CCKAR: variants seen among roughly 807,000 people sequenced by gnomAD.
The protein encoded by CCKAR is cholecystokinin A receptor.
CCKAR carries 21 observed loss-of-function variants against 29.8 expected under a neutral mutation model. The ratio of observed to expected loss-of-function variants is 0.70; its 90% confidence interval spans 0.50 to 1.01. CCKAR has a LOEUF of 1.01. Among genes scored for constraint, CCKAR ranks in the 50% least tolerant of loss-of-function variants. CCKAR has a pLI of 0.00. For synonymous variants in CCKAR, 238 were observed against 221.3 expected, an observed-to-expected ratio of 1.08 and a Z score of -0.67; for missense variants, 570 against 560.6, an observed-to-expected ratio of 1.02 and a Z score of -0.17.
Position 26,485,609 on chromosome 4 carries a change from T to G in CCKAR, c.626+28A>C, listed in dbSNP as rs199861775. ...TATTGCAAAATTACATCAAGCTGTA[T>G]TTTTAAAAATAAACAATGCAACCTT... On this transcript the variant is annotated intron_variant, in intron 3 of 4. Coordinates refer to ENST00000295589, the MANE Select transcript of CCKAR (RefSeq NM_000730.3). 1.0e-4 allele frequency: 161 copies of G among 1,607,944 alleles called. 1 individual carries two copies. The South Asian group carries it at 1.7e-3, about 17-fold the overall frequency.
chr4:26,483,881 T>C (rs1292135639), intron 3 of CCKAR, among the ~76,000 whole-genome samples: 1 of 152,240 alleles, frequency 6.6e-6, no homozygotes, highest in Admixed American at 6.5e-5. Context: ...AGCATCACGG[T>C]ATACCATTTG....
At chr4:26,485,063 G>A (rs941637018) in intron 3 of CCKAR, among the ~76,000 whole-genome samples, 11 of 151,340 alleles carry the variant, frequency 7.3e-5, no homozygotes, top group South Asian at 4.2e-4. Context: ...GCATGGTGGT[G>A]CATGCCTGTA....
At chr4:26,488,577 C>T (rs549559821) in intron 2 of CCKAR, among the ~76,000 whole-genome samples, 2 of 152,162 alleles carry the variant, frequency 1.3e-5, no homozygotes, top group African/African-American at 4.8e-5. Context: ...TATATCTCAG[C>T]CAATCAGGGT....
rs189049791 is a variant in CCKAR at position 26,485,252 on chromosome 4, C to T, written c.626+385G>A. ...AATCATAGCTCTACAATTAATCAGC[C>T]TAACCCTCCACTACAGCATTTAGAA... On this transcript the variant is annotated intron_variant, in intron 3 of 4. Coordinates refer to ENST00000295589, the MANE Select transcript of CCKAR (RefSeq NM_000730.3). Among the ~76,000 whole-genome samples, 481 of 151,862 alleles carry T rather than the reference C, an allele frequency of 3.2e-3. 3 individuals carry two copies. The highest frequency in any genetic ancestry group is 0.011 in the African/African-American group (453 of 41,434).
chr4:26,486,437 C>T lies in CCKAR; in HGVS notation c.365-539G>A, dbSNP rs182245655. Reference sequence around the variant, plus strand: ...GTGAAACAATCTATATTTCAAAATGCAGCTTGTTGAAAAAATAAGTAGTAA... The same window carrying T: ...GTGAAACAATCTATATTTCAAAATGTAGCTTGTTGAAAAAATAAGTAGTAA... On this transcript the variant is annotated intron_variant, in intron 2 of 4. Coordinates refer to ENST00000295589, the MANE Select transcript of CCKAR (RefSeq NM_000730.3). Among the ~76,000 whole-genome samples the T allele has an allele frequency of 3.2e-3, 481 of 152,190 alleles. 3 individuals carry two copies. Among genetic ancestry groups the T allele is most frequent in the African/African-American group, 0.011 (454 of 41,512 alleles).
rs140111780 is a variant in CCKAR, at chr4:26,489,412, A to G, written c.185T>C (p.Val62Ala). Residue 62 changes from valine (V) to alanine (A), a missense_variant, in exon 2 of 5, where the codon GTC becomes GCC. Transcript: ENST00000295589. ...CTTGTTCCGAATCAGCACGGTGATG[A>G]CCAGCGTGTTTCCCAGCACGCTGAG... The part of the protein sequence containing the change: ...FLLSVLGNTL[V>A]ITVLIRNKRM... The G allele has an allele frequency of 1.5e-5, 25 of 1,614,172 alleles. No homozygotes were observed. The highest frequency in any genetic ancestry group is 2.0e-5 in the Non-Finnish European group (24 of 1,180,032).
chr4:26,481,431 A>G lies in CCKAR; in HGVS notation c.*207T>C, dbSNP rs758874242. Reference sequence around the variant, plus strand: ...GTGTTACTTAACATATCCTGCTTTGAACTGCCTAGAAACCAATCATGGCCC... The same window carrying G: ...GTGTTACTTAACATATCCTGCTTTGGACTGCCTAGAAACCAATCATGGCCC... On this transcript the variant is annotated 3_prime_UTR_variant, in exon 5 of 5. Coordinates refer to ENST00000295589, the MANE Select transcript of CCKAR (RefSeq NM_000730.3). The G allele has an allele frequency of 4.7e-5, 29 of 616,974 alleles. No individual in the cohort carries two copies. The highest frequency in any genetic ancestry group is 7.7e-5 in the Non-Finnish European group (27 of 352,452). The allele number at this position is 616,974 out of a possible 1,614,324, so 38.2% of individuals were successfully genotyped here. A position where few individuals can be genotyped will look rare whatever the true frequency, so the allele number is the denominator to read the frequency against.
chr4:26,481,411 A>G lies in CCKAR; in HGVS notation c.*227T>C, dbSNP rs1433048749. 1.5e-5 allele frequency: 9 copies of G among 587,620 alleles called. No homozygotes were observed. The highest frequency in any genetic ancestry group is 2.1e-5 in the Non-Finnish European group (7 of 332,630). 36.4% of individuals were successfully genotyped at this position (587,620 alleles called of 1,614,324 possible). On this transcript the variant is annotated 3_prime_UTR_variant, in exon 5 of 5. Transcript: ENST00000295589. ...TGAGGATTTTCTGATGGTGAGTGTT[A>G]CTTAACATATCCTGCTTTGAACTGC...
intron 1 of CCKAR, 36 bp downstream of exon 1, chr4:26,490,120 G>T: frequency 7.3e-7 from 1 of 1,370,758 alleles, no homozygotes; most frequent in Non-Finnish European, 1.0e-6. Context: ...CAACTCAATA[G>T]TTTCCTGAAT....
chr4:26,488,828 A>G (rs993516241), intron 2 of CCKAR, among the ~76,000 whole-genome samples: 2 of 152,176 alleles, frequency 1.3e-5, no homozygotes, highest in African/African-American at 4.8e-5. Flanking sequence ...CACCCTCCCT[A>G]GAAGCCAGGA....
At chr4:26,486,680 G>A (rs568808198) in intron 2 of CCKAR, among the ~76,000 whole-genome samples, 1 of 152,278 alleles carries the variant, frequency 6.6e-6, no homozygotes, top group South Asian at 2.1e-4. Flanking sequence ...TTGGGAGTCC[G>A]AGGCAGGCAG....
Position 26,482,190 on chromosome 4 carries a change from C to G in CCKAR, c.755-20G>C. 6.3e-7 allele frequency: 1 copy of G among 1,588,620 alleles called. No individual in the cohort carries two copies. The highest frequency in any genetic ancestry group is 8.6e-7 in the Non-Finnish European group (1 of 1,165,764). On this transcript the variant is annotated intron_variant, in intron 4 of 4. Transcript: ENST00000295589. ...TCCTTTCTGGGTGGGCAAGAGACAT[C>G]ACTCATTGCTGGGGATGGGTCATGC...
chr4:26,482,031 AC>A lies in CCKAR; in HGVS notation c.893del (p.Ser298IlefsTer8), dbSNP rs1476364144. The part of the protein sequence containing the change: ...GSSSRANRIR[S>X]NSSAANLMAK... ...CCATCAGGTTGGCTGCGGAGCTGTT[AC>A]TCCGGATGCGGTTGGCCCTGCTGCT... On this transcript the variant is annotated frameshift_variant, in exon 5 of 5. Coordinates refer to ENST00000295589, the MANE Select transcript of CCKAR (RefSeq NM_000730.3). LOFTEE classifies it high-confidence loss of function. The A allele has an allele frequency of 6.2e-7, 1 of 1,613,930 alleles. No homozygotes were observed. Among genetic ancestry groups the A allele is most frequent in the East Asian group, 2.2e-5 (1 of 44,876 alleles).
chr4:26,482,017 G>A lies in CCKAR; in HGVS notation c.908C>T (p.Ala303Val). Residue 303 changes from alanine (A) to valine (V), a missense_variant, in exon 5 of 5, where the codon GCC becomes GTC. Transcript: ENST00000295589. ...ANRIRSNSSAANLMAKKRVIR... is the reference protein window; with the variant it reads ...ANRIRSNSSAVNLMAKKRVIR... ...CACCCTTTTCTTGGCCATCAGGTTG[G>A]CTGCGGAGCTGTTACTCCGGATGCG... 6.2e-7 allele frequency: 1 copy of A among 1,614,264 alleles called. No homozygotes were observed. Among genetic ancestry groups the A allele is most frequent in the Non-Finnish European group, 8.5e-7 (1 of 1,180,044 alleles).
At position 26,485,663 on chromosome 4, in the gene CCKAR, CAGTAGAA is replaced by C; in HGVS notation, c.593_599del (p.Phe198CysfsTer25). The C allele has an allele frequency of 6.2e-7, 1 of 1,614,100 alleles. No homozygotes were observed. The highest frequency in any genetic ancestry group is 8.5e-7 in the Non-Finnish European group (1 of 1,180,018). The stretch of plus-strand genomic sequence containing the variant: ...AGGACTGCTGCATAACATCATTTGG[CAGTAGAA>C]AGCGGCACATATTCGCGGTCTGGTT... On this transcript the variant is annotated frameshift_variant, in exon 3 of 5. Transcript: ENST00000295589. LOFTEE classifies it high-confidence loss of function.
chr4:26,487,005 C>T (rs1053649079), intron 2 of CCKAR, among the ~76,000 whole-genome samples: 4 of 152,150 alleles, frequency 2.6e-5, no homozygotes, highest in African/African-American at 4.8e-5. Context: ...TCATGTGCTT[C>T]GGCATTGCCC....
intron 2 of CCKAR, among the ~76,000 whole-genome samples, chr4:26,488,233 GT>G (rs34696057): frequency 0.31 from 47,352 of 151,974 alleles, 8,698 homozygotes; most frequent in East Asian, 0.56. Flanking sequence ...CAAGAAATGT[GT>G]TTTTTTGTTC....
chr4:26,481,666 T>TG lies in CCKAR; in HGVS notation c.1258dup (p.His420ProfsTer42), dbSNP rs1560367542. Reference sequence around the variant, plus strand: ...CTGGGGTGGCACCGAGGCACTCATATGGCTGTACGAGAACCTGGACAGAGA... The same window carrying TG: ...CTGGGGTGGCACCGAGGCACTCATATGGGCTGTACGAGAACCTGGACAGAGA... On this transcript the variant is annotated frameshift_variant, in exon 5 of 5. Transcript: ENST00000295589. LOFTEE classifies it high-confidence loss of function. 3 of 1,614,098 alleles carry TG rather than the reference T, an allele frequency of 1.9e-6. No homozygotes were observed. The South Asian group carries it at 3.3e-5, about 18-fold the overall frequency.
chr4:26,486,844 G>T (rs1737461491), intron 2 of CCKAR, among the ~76,000 whole-genome samples: 2 of 152,158 alleles, frequency 1.3e-5, no homozygotes, highest in African/African-American at 4.8e-5. Context: ...AATCTGGGAG[G>T]CCAAGGTTGT....
Sources: gnomAD v4.1 joint callset for allele counts (sites outside exome capture counted in the v4.1 genomes callset) on GRCh38, gnomAD v4.1.1 for gene constraint, MANE v1.5 for transcripts, NCBI Gene and HGNC (gene_info 2026-07-23, HGNC 2026-07-21) for gene names.